The following FBLN7 variants were observed in gnomAD, a reference collection of about 807,000 sequenced individuals.
The protein encoded by FBLN7 is fibulin-7.
FBLN7 carries 31 observed loss-of-function variants against 44.0 expected under a neutral mutation model. That is an observed-to-expected ratio of 0.70 (90% CI 0.53 to 0.95). The LOEUF is 0.95. FBLN7 is among the 40% of genes least tolerant of loss of function. The pLI is 0.00. For missense variants in FBLN7, 573 were observed against 618.5 expected, an observed-to-expected ratio of 0.93 and a Z score of 0.78; for synonymous variants, 262 against 253.4, an observed-to-expected ratio of 1.03 and a Z score of -0.32.
the FBLN7 span, among the ~76,000 whole-genome samples, chr2:112,208,734 ATAT>A: frequency 9.9e-5 from 15 of 152,164 alleles, no homozygotes; most frequent in Admixed American, 7.2e-4. Flanking sequence ...ATAGTTTTTA[ATAT>A]TATCTACATG....
Position 112,138,645 on chromosome 2 carries a change from C to G in FBLN7, c.-11C>G. The G allele has an allele frequency of 1.2e-6, 2 of 1,613,870 alleles. No homozygotes were observed. On this transcript the variant is annotated 5_prime_UTR_variant, in exon 1 of 8. Coordinates refer to ENST00000331203, the MANE Select transcript of FBLN7 (RefSeq NM_153214.3). ...TTTCCCCTCCCAGGCAGCGGGATTC[C>G]GACTGGCAAGATGGTGCCCAGCTCT...
chr2:112,209,937 C>T, the FBLN7 span, among the ~76,000 whole-genome samples: 1 of 152,032 alleles, frequency 6.6e-6, no homozygotes, highest in Middle Eastern at 3.4e-3. Context: ...GGAATCTATA[C>T]CAAGTGGAGC....
the FBLN7 span, among the ~76,000 whole-genome samples, chr2:112,198,615 GAC>G: frequency 6.7e-6 from 1 of 149,158 alleles, no homozygotes; most frequent in South Asian, 2.1e-4. Flanking sequence ...CAGCCTGGGT[GAC>G]AGAGTGAGAT....
At chr2:112,198,773 C>A in the FBLN7 span, among the ~76,000 whole-genome samples, 2 of 152,188 alleles carry the variant, frequency 1.3e-5, no homozygotes, top group East Asian at 1.9e-4. Context: ...CCTGCTGGAA[C>A]CTTGATCCTG....
the FBLN7 span, among the ~76,000 whole-genome samples, chr2:112,237,599 C>CA: frequency 1.3e-5 from 2 of 148,440 alleles, no homozygotes; most frequent in African/African-American, 5.0e-5. Flanking sequence ...TTTTTTGAGA[C>CA]AGAGTCTCGC....
intron 1 of FBLN7, among the ~76,000 whole-genome samples, chr2:112,154,416 G>A (rs1241428574): frequency 2.0e-5 from 3 of 152,194 alleles, no homozygotes; most frequent in Non-Finnish European, 4.4e-5. Context: ...CCTCAGCTTC[G>A]AGGGGACGGC....
chr2:112,159,760 G>A lies in FBLN7; in HGVS notation c.160G>A (p.Gly54Ser). 6.2e-7 allele frequency: 1 copy of A among 1,605,076 alleles called. No individual in the cohort carries two copies. The highest frequency in any genetic ancestry group is 1.7e-4 in the Middle Eastern group (1 of 5,982). Residue 54 changes from glycine to serine, a missense_variant, in exon 2 of 8, where the codon GGC becomes AGC. Coordinates refer to ENST00000331203, the MANE Select transcript of FBLN7 (RefSeq NM_153214.3). ...LKGQETRFAE[G>S]IRHMKSRLAA... ...GGGCCAGGAGACACGCTTCGCCGAG[G>A]GCATCCGCCACATGAAGAGCCGGCT...
rs567908102 is a variant in FBLN7, at chr2:112,149,629, G to A, written c.76-10047G>A. 7.1e-4 allele frequency among the ~76,000 whole-genome samples: 108 copies of A among 152,308 alleles called. 1 individual carries two copies. The highest frequency in any genetic ancestry group is 2.6e-3 in the African/African-American group (107 of 41,566). On this transcript the variant is annotated intron_variant, in intron 1 of 7. Coordinates refer to ENST00000331203, the MANE Select transcript of FBLN7 (RefSeq NM_153214.3). ...GTTTGTGCAGCCCTGGGGCTCCAGA[G>A]AAGACTCCCAGGGTGGGTTGAACTT...
In FBLN7 at chr2:112,138,540, C is replaced by A. The variant is rs1207149295; in HGVS notation, c.-116C>A. ...CGCCTCCCCCCCTGCCCCAGCCGCC[C>A]CCCGGCCGCGCGGCGCCCCGCACCC... On this transcript the variant is annotated 5_prime_UTR_variant, in exon 1 of 8. Coordinates refer to ENST00000331203, the MANE Select transcript of FBLN7 (RefSeq NM_153214.3). 1.9e-5 allele frequency: 28 copies of A among 1,481,080 alleles called. No individual in the cohort carries two copies. The East Asian group carries it at 7.3e-4, about 39-fold the overall frequency. 91.7% of individuals were successfully genotyped at this position (1,481,080 alleles called of 1,614,324 possible).
intron 6 of FBLN7, 43 bp from the exon 7 acceptor site, chr2:112,185,158 A>C: frequency 6.3e-7 from 1 of 1,586,992 alleles, no homozygotes. Context: ...CAATGGAGGG[A>C]AGGTCAGGGC....
chr2:112,166,043 CTTTGTT>C lies in FBLN7; in HGVS notation c.406+892_406+897del, dbSNP rs370406560. ...TTGCAAAAGCAGAGTAGAGAGAGGA[CTTTGTT>C]TTTGTTTTTGTTTTTGTTTGAGACG... is the stretch of plus-strand genomic sequence containing the variant. On this transcript the variant is annotated intron_variant, in intron 3 of 7. Transcript: ENST00000331203. Among the ~76,000 whole-genome samples the C allele has an allele frequency of 8.7e-3, 1,317 of 152,228 alleles. 6 individuals are homozygous for C. Among genetic ancestry groups the C allele is most frequent in the Non-Finnish European group, 0.014 (924 of 67,994 alleles).
At chr2:112,217,587 G>A in the FBLN7 span, among the ~76,000 whole-genome samples, 1 of 152,072 alleles carries the variant, frequency 6.6e-6, no homozygotes, top group East Asian at 1.9e-4. Flanking sequence ...ACTAATCTAT[G>A]CAGATCTTCC....
chr2:112,176,515 G>A (rs1216878774), intron 4 of FBLN7: 1 of 152,292 alleles, frequency 6.6e-6, no homozygotes, highest in Non-Finnish European at 1.5e-5. Context: ...CTTTATTTCT[G>A]TATGAAATAT....
At chr2:112,223,290 A>G in the FBLN7 span, among the ~76,000 whole-genome samples, 4 of 152,232 alleles carry the variant, frequency 2.6e-5, no homozygotes, top group Non-Finnish European at 4.4e-5. Context: ...AAGAATATTT[A>G]AAGAAGGAAT....
intron 6 of FBLN7, among the ~76,000 whole-genome samples, chr2:112,184,685 G>GTATATATGGTATATATATGTATATGA (rs748691876): frequency 6.9e-6 from 1 of 144,870 alleles, no homozygotes; most frequent in Admixed American, 6.9e-5. Context: ...TGTATATGGT[G>GTATATATGGTATATATATGTATATGA]TATATATGGT....
chr2:112,201,606 C>T, the FBLN7 span, among the ~76,000 whole-genome samples: 1 of 152,142 alleles, frequency 6.6e-6, no homozygotes, highest in Non-Finnish European at 1.5e-5. Flanking sequence ...TCCAGAGTGG[C>T]AGGAGCCAGG....
the FBLN7 span, among the ~76,000 whole-genome samples, chr2:112,240,951 CAG>C: frequency 2.2e-4 from 26 of 118,020 alleles, 1 homozygote; most frequent in South Asian, 8.1e-3. Flanking sequence ...GTACAGGTAA[CAG>C]TGTGTGTGTG....
chr2:112,227,403 C>T, the FBLN7 span, among the ~76,000 whole-genome samples: 357 of 152,196 alleles, frequency 2.3e-3, 2 homozygotes, highest in South Asian at 0.011. Context: ...CAGATGCCTG[C>T]AATCCCAGGT....
chr2:112,225,057 T>C, the FBLN7 span, among the ~76,000 whole-genome samples: 2 of 152,242 alleles, frequency 1.3e-5, no homozygotes, highest in Non-Finnish European at 2.9e-5. Flanking sequence ...AATGAAATTG[T>C]TTAAACTTCA....
Sources: allele counts gnomAD v4.1 joint callset (sites outside exome capture counted in the v4.1 genomes callset), GRCh38; gene constraint gnomAD v4.1.1; transcripts MANE v1.5; gene names NCBI Gene and HGNC (gene_info 2026-07-23, HGNC 2026-07-21).